The following UMODL1 variants were observed in gnomAD, a reference collection of about 807,000 sequenced individuals.
UMODL1 encodes the protein uromodulin-like 1.
A neutral mutation model predicts 136.3 loss-of-function variants in UMODL1; 128 were observed. The ratio of observed to expected loss-of-function variants is 0.94; its 90% CI spans 0.81 to 1.09. The LOEUF is 1.09. UMODL1 is among the 50% of genes least tolerant of loss of function. The pLI is 0.00. For missense variants in UMODL1, 1,766 were observed against 1,725.6 expected (o/e 1.02, Z -0.41); for synonymous variants, 721 against 720.0 (o/e 1.00, Z -0.02).
At chr21:42,084,628 C>T (rs2066404058) in intron 3 of UMODL1, among the ~76,000 whole-genome samples, 1 of 152,122 alleles carries the variant, frequency 6.6e-6, no homozygotes, top group African/African-American at 2.4e-5. Flanking sequence ...TAGGCAGGCC[C>T]TGCCACCTCA....
chr21:42,122,051 C>T lies in UMODL1; in HGVS notation c.2828-780C>T, dbSNP rs1467539462. On this transcript the variant is annotated intron_variant, in intron 16 of 22. Transcript: ENST00000408910. This position sits in a 1 kb window ranked among gnomAD's most constrained non-coding sequence, Gnocchi z 4.3. ...AGGCAGCAGCCAACTGTGAAGTCCT[C>T]AGCAATGGTTTGGACTATGGCCCAG... Among the ~76,000 whole-genome samples, 2 of 152,094 alleles carry T rather than the reference C, an allele frequency of 1.3e-5. No individual in the cohort carries two copies. Among genetic ancestry groups the T allele is most frequent in the Admixed American group, 6.5e-5 (1 of 15,278 alleles).
At position 42,119,325 on chromosome 21, in the gene UMODL1, G is replaced by A; in HGVS notation, c.2689+1G>A. The A allele has an allele frequency of 6.2e-7, 1 of 1,613,354 alleles. No homozygotes were observed. The highest frequency in any genetic ancestry group is 8.5e-7 in the Non-Finnish European group (1 of 1,179,882). The stretch of plus-strand genomic sequence containing the variant: ...ATCAGAGGCGACACCTTCATACAGG[G>A]TACGAGAGGCTGGGATGGAGCCTCT... On this transcript the variant is annotated splice_donor_variant, in intron 15 of 22. Coordinates refer to ENST00000408910, the MANE Select transcript of UMODL1 (RefSeq NM_001004416.3). LOFTEE classifies it high-confidence loss of function.
upstream of UMODL1, among the ~76,000 whole-genome samples, chr21:42,067,954 A>G (rs1467122839): frequency 6.6e-6 from 1 of 152,218 alleles, no homozygotes; most frequent in African/African-American, 2.4e-5. Flanking sequence ...ACAGAAACAG[A>G]GACAAAGACG....
At chr21:42,107,093 C>T (rs1451946733) in intron 9 of UMODL1, among the ~76,000 whole-genome samples, 2 of 152,164 alleles carry the variant, frequency 1.3e-5, no homozygotes, top group Non-Finnish European at 2.9e-5. Context: ...CCTTTTTGAA[C>T]CCCTCACATC....
intron 1 of UMODL1, among the ~76,000 whole-genome samples, chr21:42,075,623 A>G (rs1428673039): frequency 6.6e-6 from 1 of 152,234 alleles, no homozygotes; most frequent in African/African-American, 2.4e-5. Context: ...ATCAGCTCAC[A>G]TGGAGCAGAA....
At chr21:42,125,508 G>A (rs1226241573) in intron 17 of UMODL1, among the ~76,000 whole-genome samples, 2 of 152,344 alleles carry the variant, frequency 1.3e-5, no homozygotes, top group East Asian at 3.9e-4. Context: ...TGTTTCAACA[G>A]CTACAAAACC....
Position 42,127,014 on chromosome 21 carries a change from C to CCAT in UMODL1, c.3307_3309dup (p.Ile1103dup). 2 of 1,614,074 alleles carry CCAT rather than the reference C, an allele frequency of 1.2e-6. No homozygotes were observed. The highest frequency in any genetic ancestry group is 1.7e-6 in the Non-Finnish European group (2 of 1,179,934). ...GCTGCTTCCTCTTGCAGGGTTTACA[C>CCAT]CATCATCGAGGACCTCCACGGCGCT... On this transcript the variant is annotated inframe_insertion, in exon 19 of 23. Coordinates refer to ENST00000408910, the MANE Select transcript of UMODL1 (RefSeq NM_001004416.3).
chr21:42,077,921 C>T (rs1264018807), intron 2 of UMODL1, among the ~76,000 whole-genome samples: 1 of 152,204 alleles, frequency 6.6e-6, no homozygotes, highest in East Asian at 1.9e-4. Context: ...CTGGGGTCTG[C>T]ATAGACCTGC....
chr21:42,105,331 T>C (rs975517576), intron 9 of UMODL1, among the ~76,000 whole-genome samples: 6 of 152,202 alleles, frequency 3.9e-5, no homozygotes, highest in African/African-American at 1.4e-4. Flanking sequence ...AGCCTTCAGG[T>C]GGATGCCACC....
rs77940529 is a variant in UMODL1, at chr21:42,110,414, G to A, written c.1658-466G>A. On this transcript the variant is annotated intron_variant, in intron 10 of 22. Coordinates refer to ENST00000408910, the MANE Select transcript of UMODL1 (RefSeq NM_001004416.3). The stretch of plus-strand genomic sequence containing the variant: ...GGAGAATATTCCTTAGACACTGCGT[G>A]TGCTGTCCTGCTTCCTAACATCCCA... Among the ~76,000 whole-genome samples the A allele has an allele frequency of 3.3e-5, 5 of 152,338 alleles. No homozygotes were observed. The East Asian group carries it at 9.6e-4, about 29-fold the overall frequency.
In UMODL1 at chr21:42,099,159, A is replaced by T; in HGVS notation, c.1165A>T (p.Thr389Ser). Residue 389 changes from threonine (T) to serine (S), a missense_variant, in exon 7 of 23, where the codon ACC (threonine) becomes TCC (serine). Coordinates refer to ENST00000408910, the MANE Select transcript of UMODL1 (RefSeq NM_001004416.3). The surrounding 1 kb of genome is among the most constrained non-coding windows in gnomAD (Gnocchi z 4.1). ...CCAGGGGTGCGGGGCCGACGTCTCC[A>T]CCACGCTGACCATCAAAACCAGTAA... ...SYQGCGADVS[T>S]TLTIKTNAQV... The T allele has an allele frequency of 6.2e-7, 1 of 1,612,450 alleles. No homozygotes were observed. Among genetic ancestry groups the T allele is most frequent in the South Asian group, 1.1e-5 (1 of 91,024 alleles).
intron 2 of UMODL1, among the ~76,000 whole-genome samples, chr21:42,082,997 C>A (rs777478457): frequency 1.3e-5 from 2 of 152,226 alleles, no homozygotes; most frequent in Non-Finnish European, 2.9e-5. Context: ...GACCAGCACA[C>A]CTCCCATGGG....
rs567227796 is a variant in UMODL1, at chr21:42,140,181, C to T, written c.*22-1915C>T. On this transcript the variant is annotated intron_variant, in intron 22 of 22. Transcript: ENST00000408910. The stretch of plus-strand genomic sequence containing the variant: ...GGCTGGGCTGGAGAAGCTGCCTGCC[C>T]GACGAAGAGGGGGTGGGCTGATGTT... 1.6e-3 allele frequency among the ~76,000 whole-genome samples: 243 copies of T among 152,222 alleles called. 6 individuals are homozygous for T. Among genetic ancestry groups the T allele is most frequent in the South Asian group, 8.3e-4 (4 of 4,818 alleles).
In UMODL1 at chr21:42,113,615, G is replaced by C. The variant is rs556224074; in HGVS notation, c.2147G>C (p.Ser716Thr). ...IGRIMVSNVTSTGFHLAWEAD... is the reference protein window; with the variant it reads ...IGRIMVSNVTTTGFHLAWEAD... ...AGGATCATGGTCTCCAATGTGACCAGCACCGGCTTCCACCTGGCATGGGAG... is the reference window on the plus strand; with the variant it reads ...AGGATCATGGTCTCCAATGTGACCACCACCGGCTTCCACCTGGCATGGGAG... The change falls in exon 13 of 23, where the codon AGC becomes ACC. Residue 716 changes from serine (S) to threonine (T), a missense_variant. Coordinates refer to ENST00000408910, the MANE Select transcript of UMODL1 (RefSeq NM_001004416.3). 2.7e-5 allele frequency: 43 copies of C among 1,614,094 alleles called. No individual in the cohort carries two copies. The African/African-American group carries it at 5.6e-4, about 21-fold the overall frequency.
At chr21:42,090,580 C>A in intron 6 of UMODL1, 142 bp downstream of exon 6, 1 of 1,127,342 alleles carries the variant, frequency 8.9e-7, no homozygotes, top group Non-Finnish European at 1.2e-6. Context: ...TTATTATTTT[C>A]GCATCACTGT....
rs552837567 is a variant in UMODL1 at position 42,142,328 on chromosome 21, C to G, written c.*254C>G. On this transcript the variant is annotated 3_prime_UTR_variant, in exon 23 of 23. Transcript: ENST00000408910. ...GGCCGTCCTGTAGGTCCTAGAGGAG[C>G]CACAGCCCAGGGGCAGATGAAGGGG... is the stretch of plus-strand genomic sequence containing the variant. The G allele has an allele frequency of 3.3e-5, 5 of 152,416 alleles. No homozygotes were observed. The highest frequency in any genetic ancestry group is 3.4e-3 in the Middle Eastern group (1 of 294). 9.4% of individuals were successfully genotyped at this position (152,416 alleles called of 1,614,324 possible).
chr21:42,132,039 C>T (rs2067140733), intron 21 of UMODL1, among the ~76,000 whole-genome samples: 1 of 152,210 alleles, frequency 6.6e-6, no homozygotes, highest in African/African-American at 2.4e-5. Flanking sequence ...TAGACTTGGA[C>T]TTGGGACACC....
intron 2 of UMODL1, among the ~76,000 whole-genome samples, chr21:42,076,618 T>C (rs1449860345): frequency 6.6e-6 from 1 of 152,176 alleles, no homozygotes; most frequent in Non-Finnish European, 1.5e-5. Context: ...CCCGGGGCGT[T>C]GAGAGAGTGT....
At chr21:42,087,367 T>G (rs932427346) in intron 4 of UMODL1, among the ~76,000 whole-genome samples, 6 of 152,180 alleles carry the variant, frequency 3.9e-5, no homozygotes, top group Non-Finnish European at 8.8e-5. Context: ...GGAGGACTCC[T>G]GCTCTCCCCA....
Sources: gnomAD v4.1 joint callset for allele counts (sites outside exome capture counted in the v4.1 genomes callset) on GRCh38, gnomAD v4.1.1 for gene constraint, Gnocchi (gnomAD v3.1) non-coding constraint, MANE v1.5 for transcripts, NCBI Gene and HGNC (gene_info 2026-07-23, HGNC 2026-07-21) for gene names.